KTN1: variants seen among roughly 807,000 people sequenced by gnomAD.
The protein encoded by KTN1 is kinectin 1.
KTN1 carries 130 observed loss-of-function variants against 222.5 expected under a neutral mutation model. The ratio of observed to expected loss-of-function variants is 0.58; its 90% CI spans 0.51 to 0.68. KTN1 has a LOEUF of 0.68. Among genes scored for constraint, KTN1 ranks in the 30% least tolerant of loss-of-function variants. The pLI is 0.00. For missense variants in KTN1, 1,508 were observed against 1,500.4 expected, an observed-to-expected ratio of 1.01 and a Z score of -0.08; for synonymous variants, 512 against 496.3, an observed-to-expected ratio of 1.03 and a Z score of -0.42.
chr14:55,599,077 A>G (rs944568348), intron 1 of KTN1, among the ~76,000 whole-genome samples: 1 of 152,098 alleles, frequency 6.6e-6, no homozygotes, highest in Admixed American at 6.6e-5. Flanking sequence ...TCAACTTTAT[A>G]TAGTTATCAG....
chr14:55,674,788 C>T (rs2045755859), intron 40 of KTN1: 1 of 151,768 alleles, frequency 6.6e-6, no homozygotes, highest in Admixed American at 6.6e-5. Flanking sequence ...ACTTTTTTTC[C>T]CTAGTCTTGA....
chr14:55,651,511 A>T lies in KTN1; in HGVS notation c.2566-379A>T, dbSNP rs149142570. On this transcript the variant is annotated intron_variant, in intron 24 of 43. Transcript: ENST00000395314. Reference sequence around the variant, plus strand: ...GAGGTGTGTGGAGAGTTAATATTCTAATTTTCAGTACTGTAGAAGTATGAC... The same window carrying T: ...GAGGTGTGTGGAGAGTTAATATTCTTATTTTCAGTACTGTAGAAGTATGAC... The T allele has an allele frequency of 6.6e-4, 249 of 379,106 alleles. No homozygotes were observed. The East Asian group carries it at 0.016, about 25-fold the overall frequency. 23.5% of individuals were successfully genotyped at this position (379,106 alleles called of 1,614,324 possible). A position where few individuals can be genotyped will look rare whatever the true frequency, so the allele number is the denominator to read the frequency against.
chr14:55,600,863 A>G (rs1282576829), intron 1 of KTN1, among the ~76,000 whole-genome samples: 2 of 151,814 alleles, frequency 1.3e-5, no homozygotes, highest in Non-Finnish European at 2.9e-5. Context: ...CAGTTTGTCT[A>G]ATTATAAATT....
Position 55,675,824 on chromosome 14 carries a change from T to C in KTN1, c.3772-11T>C. 1.3e-6 allele frequency: 2 copies of C among 1,578,632 alleles called. No homozygotes were observed. Among genetic ancestry groups the C allele is most frequent in the African/African-American group, 1.3e-5 (1 of 74,274 alleles). Reference sequence around the variant, plus strand: ...AATTAAGTTAATTGTGGTGTTCCTTTATTTTTACAGTTGAAGGCACAGTTA... The same window carrying C: ...AATTAAGTTAATTGTGGTGTTCCTTCATTTTTACAGTTGAAGGCACAGTTA... On this transcript the variant is annotated splice_polypyrimidine_tract_variant and intron_variant, in intron 40 of 43. Coordinates refer to ENST00000395314, the MANE Select transcript of KTN1 (RefSeq NM_001079521.2).
At chr14:55,670,669 G>C (rs1364776441) in intron 34 of KTN1, 60 bp from the exon 35 acceptor site, 1 of 1,215,912 alleles carries the variant, frequency 8.2e-7, no homozygotes, top group East Asian at 2.5e-5. Flanking sequence ...TGTTTCACCT[G>C]TTTTATTTGG....
intron 1 of KTN1, among the ~76,000 whole-genome samples, chr14:55,610,925 C>T (rs2140590415): frequency 6.6e-6 from 1 of 152,340 alleles, no homozygotes; most frequent in South Asian, 2.1e-4. Context: ...CTTACTGAGT[C>T]CATCTAAAAG....
In KTN1 at chr14:55,639,917, G is replaced by A; in HGVS notation, c.1828G>A (p.Ala610Thr). 1 of 1,584,730 alleles carries A rather than the reference G, an allele frequency of 6.3e-7. No individual in the cohort carries two copies. The highest frequency in any genetic ancestry group is 8.7e-7 in the Non-Finnish European group (1 of 1,155,218). ...VLAEELHKVIAEKDKQIKQTE... is the reference protein window; with the variant it reads ...VLAEELHKVITEKDKQIKQTE... ...CAAATGTCTTTCCTTCTAAAGGATT[G>A]CAGAAAAGGATAAGCAGATAAAACA... Residue 610 changes from alanine to threonine, a missense_variant, in exon 14 of 44, where the codon GCA (alanine) becomes ACA (threonine). Ala to Thr is a moderately conservative substitution (Grantham distance 58, BLOSUM62 0). Coordinates refer to ENST00000395314, the MANE Select transcript of KTN1 (RefSeq NM_001079521.2).
chr14:55,606,772 T>A (rs569589578), intron 1 of KTN1, among the ~76,000 whole-genome samples: 93 of 152,252 alleles, frequency 6.1e-4, no homozygotes, highest in African/African-American at 2.2e-3. Context: ...ATGTGCAATT[T>A]TAAAAGTTGA....
At chr14:55,678,021 A>G (rs1187540280) in intron 41 of KTN1, among the ~76,000 whole-genome samples, 1 of 152,202 alleles carries the variant, frequency 6.6e-6, no homozygotes, top group Non-Finnish European at 1.5e-5. Flanking sequence ...AAAAGTAAAA[A>G]ATATTCTTAG....
intron 33 of KTN1, among the ~76,000 whole-genome samples, chr14:55,664,442 C>T (rs1404324930): frequency 1.3e-5 from 2 of 152,078 alleles, no homozygotes; most frequent in South Asian, 4.1e-4. Context: ...TTGGAGGGCA[C>T]ACCAAGATGT....
intron 34 of KTN1, chr14:55,668,049 C>T (rs1351492246): frequency 6.6e-6 from 1 of 152,022 alleles, no homozygotes; most frequent in Non-Finnish European, 1.5e-5. Flanking sequence ...TCCCACCTTG[C>T]ATTCCCTAGA....
At chr14:55,586,282 C>G (rs1236255206) in intron 1 of KTN1, among the ~76,000 whole-genome samples, 1 of 152,194 alleles carries the variant, frequency 6.6e-6, no homozygotes, top group Non-Finnish European at 1.5e-5. Context: ...GTACCACTTA[C>G]TGCATGTGTG....
intron 5 of KTN1, among the ~76,000 whole-genome samples, chr14:55,623,028 C>T (rs936871797): frequency 2.6e-5 from 4 of 152,180 alleles, no homozygotes; most frequent in South Asian, 2.1e-4. Flanking sequence ...CAAACCCTCC[C>T]TTCCAATTTC....
rs1202659998 is a variant in KTN1 at position 55,640,977 on chromosome 14, A to G, written c.2021+7A>G. ...TGGAGAAGATGCAACAAAGGTGACT[A>G]AAGTATTGTACATCTAGTCGTTCAT... is the stretch of plus-strand genomic sequence containing the variant. On this transcript the variant is annotated splice_region_variant and intron_variant, in intron 16 of 43. Transcript: ENST00000395314. 4 of 1,605,658 alleles carry G rather than the reference A, an allele frequency of 2.5e-6. No homozygotes were observed. The highest frequency in any genetic ancestry group is 2.2e-5 in the East Asian group (1 of 44,742).
At chr14:55,588,728 C>T (rs4901592) in intron 1 of KTN1, among the ~76,000 whole-genome samples, 68,879 of 151,938 alleles carry the variant, frequency 0.45, 18,074 homozygotes, top group Non-Finnish European at 0.59. Context: ...TTTACATTTC[C>T]ATCTATTGCA....
intron 1 of KTN1, among the ~76,000 whole-genome samples, chr14:55,595,697 A>G (rs1356649095): frequency 6.6e-6 from 1 of 152,248 alleles, no homozygotes; most frequent in Non-Finnish European, 1.5e-5. Flanking sequence ...AATTTATGCC[A>G]GTATTCAGCC....
chr14:55,636,318 TAGG>T, intron 9 of KTN1, 128 bp from the exon 10 acceptor site: 1 of 630,530 alleles, frequency 1.6e-6, no homozygotes, highest in Non-Finnish European at 2.8e-6. Context: ...TATTGAAATG[TAGG>T]AGACTAGTTG....
rs1332605806 is a variant in KTN1, at chr14:55,617,959, T to TG, written c.662-4dup. The TG allele has an allele frequency of 1.3e-6, 2 of 1,555,250 alleles. No individual in the cohort carries two copies. Among genetic ancestry groups the TG allele is most frequent in the Admixed American group, 4.1e-5 (2 of 49,084 alleles). On this transcript the variant is annotated splice_polypyrimidine_tract_variant and splice_region_variant and intron_variant, in intron 3 of 43. Transcript: ENST00000395314. The stretch of plus-strand genomic sequence containing the variant: ...AATTATGATTTTGTTGAACTTAAAT[T>TG]GCAGTCTTCGTAGATGAACCCCTTA...
At chr14:55,620,390 G>A (rs186851355) in intron 5 of KTN1, among the ~76,000 whole-genome samples, 11 of 152,324 alleles carry the variant, frequency 7.2e-5, no homozygotes, top group African/African-American at 2.4e-4. Flanking sequence ...TGCTTCAGTG[G>A]GGACTTAGTG....
Sources: allele counts gnomAD v4.1 joint callset (sites outside exome capture counted in the v4.1 genomes callset), GRCh38; gene constraint gnomAD v4.1.1; transcripts MANE v1.5; gene names NCBI Gene and HGNC (gene_info 2026-07-23, HGNC 2026-07-21).